The following MARCHF2 variants were observed in gnomAD, a reference collection of about 807,000 sequenced individuals.
MARCHF2 encodes the protein E3 ubiquitin-protein ligase MARCHF2.
Under a neutral mutation model 24.0 loss-of-function variants are expected in MARCHF2, and 22 were observed. That is an observed-to-expected ratio of 0.92 (90% CI 0.66 to 1.31). The LOEUF is 1.31. Among genes scored for constraint, MARCHF2 ranks in the 50% most tolerant of loss-of-function variants. The pLI, the probability that MARCHF2 is intolerant of heterozygous loss-of-function variation, is 0.00. For missense variants in MARCHF2, 301 were observed against 335.3 expected, an observed-to-expected ratio of 0.90 and a Z score of 0.80; for synonymous variants, 154 against 153.0, an observed-to-expected ratio of 1.01 and a Z score of -0.05.
chr19:8,418,198 C>T (rs1967135342), intron 1 of MARCHF2, among the ~76,000 whole-genome samples: 1 of 152,202 alleles, frequency 6.6e-6, no homozygotes, highest in Non-Finnish European at 1.5e-5. Context: ...GCTTAAGGTT[C>T]TGGTTGCAGG....
chr19:8,414,870 G>A (rs1802114948), intron 1 of MARCHF2, among the ~76,000 whole-genome samples: 1 of 152,178 alleles, frequency 6.6e-6, no homozygotes, highest in African/African-American at 2.4e-5. Context: ...GCCCAGAGAA[G>A]CAAAGTGACT....
At chr19:8,416,027 T>C (rs1217831182) in intron 1 of MARCHF2, among the ~76,000 whole-genome samples, 1 of 151,880 alleles carries the variant, frequency 6.6e-6, no homozygotes, top group African/African-American at 2.4e-5. Context: ...ACGCTGTTCT[T>C]AAACGGAGTG....
chr19:8,426,597 C>G lies in MARCHF2; in HGVS notation c.177-12C>G. The G allele has an allele frequency of 6.2e-7, 1 of 1,611,988 alleles. No homozygotes were observed. Among genetic ancestry groups the G allele is most frequent in the Non-Finnish European group, 8.5e-7 (1 of 1,178,582 alleles). ...CCCAATCATTGCTCATGGGTCCTAT[C>G]TCTGTGTCCAGTGATGGTCCTTTCT... On this transcript the variant is annotated splice_polypyrimidine_tract_variant and intron_variant, in intron 2 of 4. Transcript: ENST00000215555.
At chr19:8,416,545 G>A (rs752594745) in intron 1 of MARCHF2, among the ~76,000 whole-genome samples, 3 of 151,986 alleles carry the variant, frequency 2.0e-5, no homozygotes, top group Non-Finnish European at 2.9e-5. Flanking sequence ...CACATGCCAC[G>A]AGTGGAATCA....
rs1967254646 is a variant in MARCHF2, at chr19:8,421,880, T to G, written c.40T>G (p.Cys14Gly). Residue 14 changes from cysteine to glycine, a missense_variant, in exon 2 of 5, where the codon TGT (cysteine) becomes GGT (glycine). Physicochemically the swap from Cys to Gly is radical, Grantham distance 159. Transcript: ENST00000215555. ...CTGCTGCCACCTCCCCGGCTCCCTGTGTGACTGCTCCGGCAGCCCTGCCTT... is the reference window on the plus strand; with the variant it reads ...CTGCTGCCACCTCCCCGGCTCCCTGGGTGACTGCTCCGGCAGCCCTGCCTT... ...GDCCHLPGSLCDCSGSPAFSK... is the reference protein window; with the variant it reads ...GDCCHLPGSLGDCSGSPAFSK... 1 of 1,613,292 alleles carries G rather than the reference T, an allele frequency of 6.2e-7. No homozygotes were observed. Among genetic ancestry groups the G allele is most frequent in the Non-Finnish European group, 8.5e-7 (1 of 1,179,720 alleles).
In MARCHF2 at chr19:8,421,927, G is replaced by A. The variant is rs746498303; in HGVS notation, c.87G>A (p.Thr29=). 1.2e-6 allele frequency: 2 copies of A among 1,613,848 alleles called. No individual in the cohort carries two copies. Among genetic ancestry groups the A allele is most frequent in the South Asian group, 1.1e-5 (1 of 91,006 alleles). Reference sequence around the variant, plus strand: ...CCTTCTCCAAGGTCGTGGAGGCTACGGGCCTCGGACCGCCCCAGTATGTGG... The same window carrying A: ...CCTTCTCCAAGGTCGTGGAGGCTACAGGCCTCGGACCGCCCCAGTATGTGG... The part of the protein sequence containing the change: ...SPAFSKVVEA[T]GLGPPQYVAQ... The change falls in exon 2 of 5, where the codon ACG becomes ACA. Residue 29 remains threonine, a synonymous_variant. Coordinates refer to ENST00000215555, the MANE Select transcript of MARCHF2 (RefSeq NM_001005415.2).
chr19:8,422,117 A>C (rs1967264626), intron 2 of MARCHF2, 101 bp downstream of exon 2: 1 of 1,269,170 alleles, frequency 7.9e-7, no homozygotes, highest in African/African-American at 1.5e-5. Context: ...CCGTTGACAG[A>C]GGGCCAAGTG....
intron 3 of MARCHF2, among the ~76,000 whole-genome samples, chr19:8,428,163 G>A (rs960909772): frequency 6.6e-6 from 1 of 152,198 alleles, no homozygotes; most frequent in Admixed American, 6.5e-5. Flanking sequence ...GGGAGGCTGA[G>A]GCAGGAGAAT....
intron 4 of MARCHF2, among the ~76,000 whole-genome samples, chr19:8,432,478 G>C (rs560095479): frequency 8.5e-5 from 13 of 152,104 alleles, no homozygotes; most frequent in African/African-American, 3.1e-4. Flanking sequence ...AACTTAGGGA[G>C]ACCCCATCTC....
chr19:8,431,670 C>G (rs1175191673), intron 4 of MARCHF2, among the ~76,000 whole-genome samples: 1 of 151,178 alleles, frequency 6.6e-6, no homozygotes, highest in Non-Finnish European at 1.5e-5. Context: ...AACCTTGTCT[C>G]TACTAAAAAT....
chr19:8,426,495 G>A, intron 2 of MARCHF2, 114 bp from the exon 3 acceptor site: 1 of 772,586 alleles, frequency 1.3e-6, no homozygotes, highest in East Asian at 2.5e-5. Flanking sequence ...AGGATGAGTA[G>A]GAGTTCACTA....
rs1568233711 is a variant in MARCHF2, at chr19:8,415,745, A to AAAAAAAAAAAAAC, written c.-53+2335_-53+2336insAACAAAAAAAAAA. ...TCAAAAAAAAAAAAACAAAAAAAACAAAAAAAAAAACCAGACAAAAGAAAG... is the reference window on the plus strand; with the variant it reads ...TCAAAAAAAAAAAAACAAAAAAAACAAAAAAAAAAAAACAAAAAAAAAACCAGACAAAAGAAAG... On this transcript the variant is annotated intron_variant, in intron 1 of 4. Transcript: ENST00000215555. Among the ~76,000 whole-genome samples the AAAAAAAAAAAAAC allele has an allele frequency of 4.4e-3, 236 of 53,944 alleles. 10 individuals are homozygous for AAAAAAAAAAAAAC. Among genetic ancestry groups the AAAAAAAAAAAAAC allele is most frequent in the Middle Eastern group, 9.6e-3 (1 of 104 alleles). The allele number at this position is 53,944 out of a possible 152,430, so 35.4% of individuals were successfully genotyped here. A position where few individuals can be genotyped will look rare whatever the true frequency, so the allele number is the denominator to read the frequency against.
In MARCHF2 at chr19:8,426,696, C is replaced by T. The variant is rs149320465; in HGVS notation, c.264C>T (p.Ala88=). The change falls in exon 3 of 5, where the codon GCC becomes GCT. Residue 88 remains alanine (A), a synonymous_variant. Transcript: ENST00000215555. The part of the protein sequence containing the change: ...SPCGCTGTLG[A]VHKSCLEKWL... ...GTGGCTGCACCGGCACGCTGGGTGC[C>T]GTGCATAAGAGCTGTCTGGAGAAGT... 65 of 1,613,770 alleles carry T rather than the reference C, an allele frequency of 4.0e-5. 4 individuals are homozygous for T. Among genetic ancestry groups the T allele is most frequent in the Admixed American group, 2.3e-4 (14 of 60,012 alleles).
rs548388883 is a variant in MARCHF2, at chr19:8,417,368, C to A, written c.-53+3948C>A. 1.6e-3 allele frequency among the ~76,000 whole-genome samples: 250 copies of A among 152,270 alleles called. 1 individual carries two copies. The highest frequency in any genetic ancestry group is 5.8e-3 in the African/African-American group (242 of 41,574). ...CTGAAGCAGGAGAATTGCTTGAACC[C>A]AGGAGCCTGAGGTTGCAGTAAGCTG... On this transcript the variant is annotated intron_variant, in intron 1 of 4. Transcript: ENST00000215555.
intron 1 of MARCHF2, among the ~76,000 whole-genome samples, chr19:8,413,986 A>ACTCTCC (rs926794276): frequency 2.0e-5 from 3 of 152,160 alleles, no homozygotes; most frequent in African/African-American, 7.2e-5. Flanking sequence ...TCCAGGCTCA[A>ACTCTCC]AGAGGTTAAG....
Position 8,421,432 on chromosome 19 carries a change from T to C in MARCHF2, c.-52-357T>C, listed in dbSNP as rs554323120. On this transcript the variant is annotated intron_variant, in intron 1 of 4. Coordinates refer to ENST00000215555, the MANE Select transcript of MARCHF2 (RefSeq NM_001005415.2). ...TTAGTAGAGACAGTGTTTCACCATG[T>C]TGGCCAGGATGGTCTTGATCTCTTG... Among the ~76,000 whole-genome samples the C allele has an allele frequency of 2.7e-5, 4 of 147,608 alleles. No homozygotes were observed. The East Asian group carries it at 5.9e-4, about 22-fold the overall frequency.
At position 8,428,649 on chromosome 19, in the gene MARCHF2, CAAAAAAAAAAAAAAAAAAAA is replaced by C. The variant is rs59542078; in HGVS notation, c.372+1860_372+1879del. Among the ~76,000 whole-genome samples the C allele has an allele frequency of 1.7e-3, 51 of 30,656 alleles. No individual in the cohort carries two copies. In the East Asian group the frequency reaches 0.055, roughly 33 times the overall value. The allele number at this position is 30,656 out of a possible 152,430, so 20.1% of individuals were successfully genotyped here. ...TGGGCAACAGATTGAGACTCTATCT[CAAAAAAAAAAAAAAAAAAAA>C]AAAAAAAAAAAAAACCAAGGCTGGA... On this transcript the variant is annotated intron_variant, in intron 3 of 4. Coordinates refer to ENST00000215555, the MANE Select transcript of MARCHF2 (RefSeq NM_001005415.2).
intron 2 of MARCHF2, among the ~76,000 whole-genome samples, chr19:8,426,195 C>T (rs893053284): frequency 2.2e-5 from 3 of 137,626 alleles, no homozygotes; most frequent in Admixed American, 1.6e-4. Context: ...CGCACCACTG[C>T]ACTCCAGCCT....
At chr19:8,434,087 T>C (rs1198477574) in intron 4 of MARCHF2, among the ~76,000 whole-genome samples, 2 of 147,364 alleles carry the variant, frequency 1.4e-5, no homozygotes, top group Non-Finnish European at 3.0e-5. Flanking sequence ...ATTTCTTTTT[T>C]TTTTTTTTTT....
Sources: allele counts gnomAD v4.1 joint callset (sites outside exome capture counted in the v4.1 genomes callset), GRCh38; gene constraint gnomAD v4.1.1; transcripts MANE v1.5; gene names NCBI Gene and HGNC (gene_info 2026-07-23, HGNC 2026-07-21).